Variants in MAP4K4 observed in about 807,000 individuals in gnomAD.
MAP4K4 encodes mitogen-activated protein kinase kinase kinase kinase 4, also known as HPK/GCK-like kinase HGK.
Under a neutral mutation model 189.6 loss-of-function variants are expected in MAP4K4, and 38 were observed. The ratio of observed to expected loss-of-function variants is 0.20; its 90% CI spans 0.15 to 0.26. The LOEUF (loss-of-function observed/expected upper bound fraction) is 0.26, where lower values mean the gene tolerates loss of function less well. MAP4K4 is among the 10% of genes least tolerant of loss of function. MAP4K4 has a pLI of 1.00. For synonymous variants in MAP4K4, 610 were observed against 624.3 expected (o/e 0.98, Z 0.34); for missense variants, 1,054 against 1,726.9 (o/e 0.61, Z 6.91).
At position 101,826,335 on chromosome 2, in the gene MAP4K4, C is replaced by CTAGTTTAAAAACAT. The variant is rs781766617; in HGVS notation, c.417+907_417+908insAGTTTAAAAACATT. Among the ~76,000 whole-genome samples, 721 of 152,178 alleles carry CTAGTTTAAAAACAT rather than the reference C, an allele frequency of 4.7e-3. 2 individuals carry two copies. The highest frequency in any genetic ancestry group is 0.024 in the Middle Eastern group (7 of 294). ...GCAGGTTTAAAAACTGCCATCTAGACTTCCTAGAGAAATGTTTAATTTTTT... is the reference window on the plus strand; with the variant it reads ...GCAGGTTTAAAAACTGCCATCTAGACTAGTTTAAAAACATTTCCTAGAGAAATGTTTAATTTTTT... On this transcript the variant is annotated intron_variant, in intron 5 of 32. Coordinates refer to ENST00000324219, the Ensembl canonical transcript of MAP4K4.
At chr2:101,755,929 CTTTTTTTTT>C (rs57392183) in intron 2 of MAP4K4, among the ~76,000 whole-genome samples, 302 of 57,812 alleles carry the variant, frequency 5.2e-3, no homozygotes, top group African/African-American at 0.019. Flanking sequence ...AGTTCTTTTT[CTTTTTTTTT>C]TTTTTTTTTT....
chr2:101,728,707 C>T (rs568564444), intron 2 of MAP4K4, among the ~76,000 whole-genome samples: 1 of 152,170 alleles, frequency 6.6e-6, no homozygotes, highest in Non-Finnish European at 1.5e-5. Context: ...TTAGTGCAGA[C>T]GGGGTTTCAC....
At chr2:101,759,082 G>A (rs867385562) in intron 2 of MAP4K4, among the ~76,000 whole-genome samples, 1 of 150,544 alleles carries the variant, frequency 6.6e-6, no homozygotes, top group Non-Finnish European at 1.5e-5. Flanking sequence ...GCAGTGAGCC[G>A]AGATCGCGTC....
chr2:101,760,689 T>C (rs984805602), intron 2 of MAP4K4, among the ~76,000 whole-genome samples: 1 of 151,944 alleles, frequency 6.6e-6, no homozygotes, highest in African/African-American at 2.4e-5. Flanking sequence ...AGAGGTAAAA[T>C]ACTCTCTGTT....
intron 7 of MAP4K4, among the ~76,000 whole-genome samples, chr2:101,834,004 G>T (rs987880998): frequency 6.6e-6 from 1 of 152,082 alleles, no homozygotes; most frequent in Non-Finnish European, 1.5e-5. Context: ...ATAAATCTGG[G>T]CCAGAAGTCT....
At chr2:101,820,390 T>TA (rs1161472091) in intron 3 of MAP4K4, among the ~76,000 whole-genome samples, 3 of 152,230 alleles carry the variant, frequency 2.0e-5, no homozygotes, top group Non-Finnish European at 2.9e-5. Context: ...ATGAAGTTCT[T>TA]ACTACAGGAA....
intron 2 of MAP4K4, among the ~76,000 whole-genome samples, chr2:101,715,216 C>G (rs1036132615): frequency 2.0e-5 from 3 of 152,314 alleles, no homozygotes; most frequent in African/African-American, 7.2e-5. Context: ...TCCCTGGTGT[C>G]TGTGTCCAGA....
chr2:101,860,925 C>T, exon 16 of MAP4K4: 1 of 1,606,932 alleles, frequency 6.2e-7, no homozygotes, highest in Non-Finnish European at 8.5e-7. Flanking sequence ...CGATCAGAGT[C>T]TTTTTCCAAT....
intron 2 of MAP4K4, among the ~76,000 whole-genome samples, chr2:101,756,311 CT>C (rs1390621507): frequency 6.6e-6 from 1 of 152,134 alleles, no homozygotes; most frequent in African/African-American, 2.4e-5. Context: ...CAAAATTTTA[CT>C]GTGGGTGCTA....
rs539118931 is a variant in MAP4K4 at position 101,715,706 on chromosome 2, T to G, written c.123+17168T>G. 5.3e-5 allele frequency among the ~76,000 whole-genome samples: 8 copies of G among 152,342 alleles called. No individual in the cohort carries two copies. In the East Asian group the frequency reaches 1.5e-3, roughly 29 times the overall value. On this transcript the variant is annotated intron_variant, in intron 2 of 32. Coordinates refer to ENST00000324219, the Ensembl canonical transcript of MAP4K4. Reference sequence around the variant, plus strand: ...AACCTGAAAATTTTGAACCTTGTTTTTTTAAACTAAAAAATACATAGGGTC... The same window carrying G: ...AACCTGAAAATTTTGAACCTTGTTTGTTTAAACTAAAAAATACATAGGGTC...
intron 24 of MAP4K4, 87 bp downstream of exon 24, chr2:101,871,772 C>A: frequency 8.2e-7 from 1 of 1,215,208 alleles, no homozygotes; most frequent in South Asian, 1.5e-5. Flanking sequence ...CTTTCCAACA[C>A]CCTCACCCCT....
At chr2:101,797,435 G>T (rs1181024343) in intron 3 of MAP4K4, 1 of 1,251,008 alleles carries the variant, frequency 8.0e-7, no homozygotes, top group African/African-American at 1.6e-5. Context: ...CTCCTGCACC[G>T]CCCCCTCCCT....
chr2:101,761,305 A>AT (rs2076271265), intron 2 of MAP4K4, among the ~76,000 whole-genome samples: 1 of 152,010 alleles, frequency 6.6e-6, no homozygotes, highest in Admixed American at 6.6e-5. Flanking sequence ...TATTAGATGT[A>AT]TTTTTTCTTA....
intron 2 of MAP4K4, among the ~76,000 whole-genome samples, chr2:101,703,389 G>T (rs1176187084): frequency 6.6e-6 from 1 of 151,974 alleles, no homozygotes; most frequent in Non-Finnish European, 1.5e-5. Context: ...AGGCTGAGAC[G>T]GGCGGATCAC....
At chr2:101,742,661 G>A (rs369706286) in intron 2 of MAP4K4, among the ~76,000 whole-genome samples, 1 of 152,094 alleles carries the variant, frequency 6.6e-6, no homozygotes. Flanking sequence ...CTCCCTGATT[G>A]TTTTTCAGCT....
exon 15 of MAP4K4, chr2:101,859,772 C>A (rs776691332): frequency 6.2e-7 from 1 of 1,610,184 alleles, no homozygotes; most frequent in Non-Finnish European, 8.5e-7. Flanking sequence ...GCACTCGCAG[C>A]AGCCGCCACC....
intron 13 of MAP4K4, among the ~76,000 whole-genome samples, chr2:101,858,249 T>A (rs2097536442): frequency 6.6e-6 from 1 of 152,224 alleles, no homozygotes; most frequent in Non-Finnish European, 1.5e-5. Flanking sequence ...CGCATGCAGC[T>A]TTGAAGTAGG....
At chr2:101,868,085 G>A (rs886578912) in intron 21 of MAP4K4, 48 bp downstream of exon 21, 9 of 1,601,984 alleles carry the variant, frequency 5.6e-6, no homozygotes, top group East Asian at 2.2e-5. Context: ...CACTCCGACC[G>A]CCTGTCAGCT....
chr2:101,868,161 T>G, intron 21 of MAP4K4, 124 bp downstream of exon 21: 2 of 1,059,220 alleles, frequency 1.9e-6, no homozygotes, highest in Non-Finnish European at 2.8e-6. Flanking sequence ...TTCTAGAATT[T>G]AAAAACCTCA....
Sources: gnomAD v4.1 joint callset for allele counts (sites outside exome capture counted in the v4.1 genomes callset) on GRCh38, gnomAD v4.1.1 for gene constraint, MANE v1.5 for transcripts, NCBI Gene and HGNC (gene_info 2026-07-23, HGNC 2026-07-21) for gene names.